Variants in FLG2 observed in about 807,000 individuals in gnomAD.
The protein encoded by FLG2 is filaggrin 2.
FLG2 carries 7 observed loss-of-function variants against 3.9 expected under a neutral mutation model. The ratio of observed to expected loss-of-function variants is 1.79; its 90% confidence interval spans 1.02 to 3.36. The LOEUF (loss-of-function observed/expected upper bound fraction) is 3.36. FLG2 is among the 30% of genes most tolerant of loss of function. FLG2 has a pLI of 0.00. For missense variants in FLG2, 2,700 were observed against 2,809.4 expected, an observed-to-expected ratio of 0.96 and a Z score of 0.88; for synonymous variants, 1,031 against 1,056.1, an observed-to-expected ratio of 0.98 and a Z score of 0.46.
intron 1 of FLG2, among the ~76,000 whole-genome samples, chr1:152,359,143 C>T (rs1654359483): frequency 6.6e-6 from 1 of 152,096 alleles, no homozygotes; most frequent in Non-Finnish European, 1.5e-5. Flanking sequence ...TGAGAATAGA[C>T]CTCAAGTCTC....
At position 152,353,089 on chromosome 1, in the gene FLG2, G is replaced by A. The variant is rs1419431898; in HGVS notation, c.4697C>T (p.Ser1566Phe). Residue 1566 changes from serine to phenylalanine, a missense_variant, in exon 3 of 3, where the codon TCC becomes TTC. Transcript: ENST00000388718. Reference sequence around the variant, plus strand: ...AGTTCTCTGTCTTCCAGTTGTCCTGGACCCTGTCTGTGTGGTTTGTTCATG... The same window carrying A: ...AGTTCTCTGTCTTCCAGTTGTCCTGAACCCTGTCTGTGTGGTTTGTTCATG... ...SGHEQTTQTGSRTTGRQRTSH... is the reference protein window; with the variant it reads ...SGHEQTTQTGFRTTGRQRTSH... The A allele has an allele frequency of 1.2e-6, 2 of 1,613,418 alleles. No individual in the cohort carries two copies. Among genetic ancestry groups the A allele is most frequent in the African/African-American group, 2.7e-5 (2 of 74,654 alleles).
Position 152,352,610 on chromosome 1 carries a change from A to G in FLG2, c.5176T>C (p.Ser1726Pro). Residue 1726 changes from serine to proline, a missense_variant, in exon 3 of 3, where the codon TCT (serine) becomes CCT (proline). Transcript: ENST00000388718. ...CTGTCACTGTACTCACTGTGGCCAG[A>G]TCCCCTTCTTCCAGTAGTCCTGGAC... is the stretch of plus-strand genomic sequence containing the variant. Reference protein sequence around the residue: ...TGSRTTGRRGSGHSEYSDSEG... With the variant: ...TGSRTTGRRGPGHSEYSDSEG... The G allele has an allele frequency of 6.2e-7, 1 of 1,613,802 alleles. No individual in the cohort carries two copies. Among genetic ancestry groups the G allele is most frequent in the Non-Finnish European group, 8.5e-7 (1 of 1,179,954 alleles).
intron 1 of FLG2, 34 bp from the exon 2 acceptor site, chr1:152,358,940 A>C (rs1351868978): frequency 3.3e-6 from 5 of 1,536,448 alleles, no homozygotes; most frequent in Non-Finnish European, 4.4e-6. Flanking sequence ...CCTATTATTC[A>C]TATTCTCTCC....
chr1:152,353,726 C>G lies in FLG2; in HGVS notation c.4060G>C (p.Glu1354Gln). ...RFSHSDATDS[E>Q]VHSGVSHRPH... ...CTATGTGAGACCCCTGAGTGCACTTCACTGTCAGTGGCATCACTGTGGCTA... is the reference window on the plus strand; with the variant it reads ...CTATGTGAGACCCCTGAGTGCACTTGACTGTCAGTGGCATCACTGTGGCTA... Residue 1354 changes from glutamate (E) to glutamine (Q), a missense_variant, in exon 3 of 3, where the codon GAA (glutamate) becomes CAA (glutamine). Physicochemically the swap from Glu to Gln is conservative, Grantham distance 29. Coordinates refer to ENST00000388718, the MANE Select transcript of FLG2 (RefSeq NM_001014342.3). The G allele has an allele frequency of 6.2e-7, 1 of 1,614,196 alleles. No individual in the cohort carries two copies. Among genetic ancestry groups the G allele is most frequent in the Non-Finnish European group, 8.5e-7 (1 of 1,180,036 alleles).
In FLG2 at chr1:152,357,234, G is replaced by A. The variant is rs1654274939; in HGVS notation, c.552C>T (p.Ser184=). The change falls in exon 3 of 3, where the codon TCC becomes TCT. Residue 184 remains serine (S), a synonymous_variant. Coordinates refer to ENST00000388718, the MANE Select transcript of FLG2 (RefSeq NM_001014342.3). ...QEGSQKRYHR[S]SCGHSWSGGK... ...CACCACTCCATGAATGACCACAGCT[G>A]GACCTGTGGTATCTTTTCTGAGATC... 6 of 1,614,126 alleles carry A rather than the reference G, an allele frequency of 3.7e-6. No individual in the cohort carries two copies. Among genetic ancestry groups the A allele is most frequent in the South Asian group, 1.1e-5 (1 of 91,070 alleles).
chr1:152,358,888 T>C lies in FLG2; in HGVS notation c.-4A>G. On this transcript the variant is annotated 5_prime_UTR_variant, in exon 2 of 3. Coordinates refer to ENST00000388718, the MANE Select transcript of FLG2 (RefSeq NM_001014342.3). Reference sequence around the variant, plus strand: ...CACTTCTCAAGAGGTCGGTCATCTTTTTGCAAGTTTAAGTGAACCTGGACA... The same window carrying C: ...CACTTCTCAAGAGGTCGGTCATCTTCTTGCAAGTTTAAGTGAACCTGGACA... 1 of 1,610,828 alleles carries C rather than the reference T, an allele frequency of 6.2e-7. No homozygotes were observed. The highest frequency in any genetic ancestry group is 8.5e-7 in the Non-Finnish European group (1 of 1,178,924).
chr1:152,357,678 T>C (rs1284391820), intron 2 of FLG2, 31 bp from the exon 3 acceptor site: 1 of 1,540,426 alleles, frequency 6.5e-7, no homozygotes, highest in East Asian at 2.3e-5. Context: ...AAGGGAGACC[T>C]GGTCAGCCTA....
rs139238218 is a variant in FLG2 at position 152,357,078 on chromosome 1, A to G, written c.708T>C (p.Gly236=). Residue 236 remains glycine, a synonymous_variant, in exon 3 of 3, where the codon GGT becomes GGC. Coordinates refer to ENST00000388718, the MANE Select transcript of FLG2 (RefSeq NM_001014342.3). ...GSGSNSWERK[G]HGGLSCGLET... Reference sequence around the variant, plus strand: ...CCAATCCACATGACAGACCACCATGACCTTTCCTTTCCCAACTGTTTGATC... The same window carrying G: ...CCAATCCACATGACAGACCACCATGGCCTTTCCTTTCCCAACTGTTTGATC... 1,051 of 1,614,090 alleles carry G rather than the reference A, an allele frequency of 6.5e-4. No homozygotes were observed. The highest frequency in any genetic ancestry group is 2.0e-3 in the Admixed American group (123 of 60,014).
At position 152,352,898 on chromosome 1, in the gene FLG2, G is replaced by A. The variant is rs745883660; in HGVS notation, c.4888C>T (p.His1630Tyr). 1.2e-5 allele frequency: 19 copies of A among 1,613,646 alleles called. No homozygotes were observed. Among genetic ancestry groups the A allele is most frequent in the Non-Finnish European group, 1.5e-5 (18 of 1,179,962 alleles). Residue 1630 changes from histidine to tyrosine, a missense_variant, in exon 3 of 3, where the codon CAT becomes TAT. By Grantham distance (83) the His-to-Tyr change is moderately conservative (BLOSUM62 2). Coordinates refer to ENST00000388718, the MANE Select transcript of FLG2 (RefSeq NM_001014342.3). ...THGQIGDTTGHSHSGHGQSTQ... is the reference protein window; with the variant it reads ...THGQIGDTTGYSHSGHGQSTQ... Reference sequence around the variant, plus strand: ...GACTGTCCATGACCAGAGTGGGAATGTCCAGTGGTATCTCCTATCTGTCCA... The same window carrying A: ...GACTGTCCATGACCAGAGTGGGAATATCCAGTGGTATCTCCTATCTGTCCA...
At position 152,356,685 on chromosome 1, in the gene FLG2, T is replaced by C. The variant is rs1330629257; in HGVS notation, c.1101A>G (p.Gly367=). ...GACTTGAGCCTGTTCTCCATTGTCC[T>C]CCACAGTTCTGTGGTTGACCATTTT... ...ARENGQPQNC[G]GQWRTGSSQS... The change falls in exon 3 of 3, where the codon GGA becomes GGG. Residue 367 remains glycine, a synonymous_variant. Coordinates refer to ENST00000388718, the MANE Select transcript of FLG2 (RefSeq NM_001014342.3). The C allele has an allele frequency of 3.1e-6, 5 of 1,614,114 alleles. No homozygotes were observed. Among genetic ancestry groups the C allele is most frequent in the Non-Finnish European group, 4.2e-6 (5 of 1,180,040 alleles).
In FLG2 at chr1:152,356,601, T is replaced by C. The variant is rs774833467; in HGVS notation, c.1185A>G (p.Gln395=). 3.7e-6 allele frequency: 6 copies of C among 1,614,166 alleles called. No individual in the cohort carries two copies. The highest frequency in any genetic ancestry group is 1.6e-4 in the Middle Eastern group (1 of 6,062). ...SGGSQSCSNG[Q]HEYGSCGRFS... ...AGCGGCCACAGGAACCATATTCATG[T>C]TGACCATTACTACAAGACTGGCTAC... The change falls in exon 3 of 3, where the codon CAA becomes CAG. Residue 395 remains glutamine, a synonymous_variant. Transcript: ENST00000388718.
In FLG2 at chr1:152,351,300, A is replaced by G. The variant is rs200491021; in HGVS notation, c.6486T>C (p.His2162=). 5 of 1,613,854 alleles carry G rather than the reference A, an allele frequency of 3.1e-6. No homozygotes were observed. The highest frequency in any genetic ancestry group is 2.2e-5 in the East Asian group (1 of 44,862). Residue 2162 remains histidine (H), a synonymous_variant, in exon 3 of 3, where the codon CAT becomes CAC. Transcript: ENST00000388718. ...TGGAACCTGTCTGTGTGGACTGTCC[A>G]TGACCAGACTGGCCATGTCTAGTGG... is the stretch of plus-strand genomic sequence containing the variant. ...GDTTRHGQSG[H]GQSTQTGSRT...
At position 152,353,495 on chromosome 1, in the gene FLG2, C is replaced by A; in HGVS notation, c.4291G>T (p.Glu1431Ter). ...CTGTGTGAGCCCCCTGAGTGCACTT[C>A]ACTGTCACTGGACTCACTATGGCCA... The part of the protein sequence containing the change: ...GSGHSESSDS[E>*]VHSGGSHRPQ... Residue 1431 changes from glutamate (E) to a stop codon, truncating the protein, a stop_gained, in exon 3 of 3, where the codon GAA becomes TAA. Transcript: ENST00000388718. LOFTEE classifies it low-confidence loss of function (END_TRUNC). 1 of 1,613,718 alleles carries A rather than the reference C, an allele frequency of 6.2e-7. No individual in the cohort carries two copies. Among genetic ancestry groups the A allele is most frequent in the East Asian group, 2.2e-5 (1 of 44,864 alleles).
In FLG2 at chr1:152,356,696, G is replaced by A; in HGVS notation, c.1090C>T (p.Gln364Ter). The change falls in exon 3 of 3, where the codon CAG becomes TAG. Residue 364 changes from glutamine to a stop codon, truncating the protein, a stop_gained. Coordinates refer to ENST00000388718, the MANE Select transcript of FLG2 (RefSeq NM_001014342.3). LOFTEE classifies it low-confidence loss of function (END_TRUNC). Reference protein sequence around the residue: ...GYGARENGQPQNCGGQWRTGS... With the variant: ...GYGARENGQP Reference sequence around the variant, plus strand: ...GTTCTCCATTGTCCTCCACAGTTCTGTGGTTGACCATTTTCTCTAGCTCCA... The same window carrying A: ...GTTCTCCATTGTCCTCCACAGTTCTATGGTTGACCATTTTCTCTAGCTCCA... 1 of 1,614,170 alleles carries A rather than the reference G, an allele frequency of 6.2e-7. No individual in the cohort carries two copies. Among genetic ancestry groups the A allele is most frequent in the Non-Finnish European group, 8.5e-7 (1 of 1,180,032 alleles).
chr1:152,357,951 A>C (rs1276130690), intron 2 of FLG2, among the ~76,000 whole-genome samples: 2 of 152,320 alleles, frequency 1.3e-5, no homozygotes, highest in East Asian at 3.9e-4. Flanking sequence ...GTTTTACATA[A>C]ATTGTAACTA....
Position 152,358,767 on chromosome 1 carries a change from C to CT in FLG2, c.117dup (p.Glu40ArgfsTer11). The CT allele has an allele frequency of 1.2e-6, 2 of 1,613,732 alleles. No homozygotes were observed. The highest frequency in any genetic ancestry group is 1.7e-6 in the Non-Finnish European group (2 of 1,179,828). On this transcript the variant is annotated frameshift_variant, in exon 2 of 3. Transcript: ENST00000388718. LOFTEE classifies it low-confidence loss of function (END_TRUNC). The stretch of plus-strand genomic sequence containing the variant: ...CTCACCTTCAGAACTGGATGAAGCT[C>CT]TTTCTCCAGAAGTTCCTTTAGTTCA...
At chr1:152,357,682 C>T (rs1206462085) in intron 2 of FLG2, 35 bp from the exon 3 acceptor site, 6 of 1,472,352 alleles carry the variant, frequency 4.1e-6, no homozygotes, top group Admixed American at 1.9e-5. Context: ...GAGACCTGGT[C>T]AGCCTAACCT....
In FLG2 at chr1:152,353,795, G is replaced by A. The variant is rs1469394433; in HGVS notation, c.3991C>T (p.Gln1331Ter). The A allele has an allele frequency of 2.5e-6, 4 of 1,613,556 alleles. No individual in the cohort carries two copies. Among genetic ancestry groups the A allele is most frequent in the Non-Finnish European group, 8.5e-7 (1 of 1,179,782 alleles). ...TTRHGHSGHG[Q>*]STQTGSRTSG... is the part of the protein sequence containing the mutation. ...GTTCTGGAACCTGTCTGTGTAGACTGTCCATGACCAGAATGGCCATGTCTA... is the reference window on the plus strand; with the variant it reads ...GTTCTGGAACCTGTCTGTGTAGACTATCCATGACCAGAATGGCCATGTCTA... The change falls in exon 3 of 3, where the codon CAG becomes TAG. Residue 1331 changes from glutamine to a stop codon, truncating the protein, a stop_gained. Coordinates refer to ENST00000388718, the MANE Select transcript of FLG2 (RefSeq NM_001014342.3). LOFTEE classifies it low-confidence loss of function (END_TRUNC).
At position 152,355,564 on chromosome 1, in the gene FLG2, T is replaced by G. The variant is rs1654182728; in HGVS notation, c.2222A>C (p.Gln741Pro). The G allele has an allele frequency of 4.3e-6, 7 of 1,613,948 alleles. No homozygotes were observed. The highest frequency in any genetic ancestry group is 5.9e-6 in the Non-Finnish European group (7 of 1,179,974). The part of the protein sequence containing the change: ...SFGQHGSGSG[Q>P]SSGFGQHGSG... ...CCCATGTTGTCCAAAGCCAGAGGAC[T>G]GACCTGAGCCTGATCCATGTTGGCC... is the stretch of plus-strand genomic sequence containing the variant. The change falls in exon 3 of 3, where the codon CAG becomes CCG. Residue 741 changes from glutamine to proline, a missense_variant. Gln to Pro is a moderately conservative substitution (Grantham distance 76). Transcript: ENST00000388718.
Sources: gnomAD v4.1 joint callset for allele counts (sites outside exome capture counted in the v4.1 genomes callset) on GRCh38, gnomAD v4.1.1 for gene constraint, MANE v1.5 for transcripts, NCBI Gene and HGNC (gene_info 2026-07-23, HGNC 2026-07-21) for gene names.